PRKG1: variants seen among roughly 807,000 people sequenced by gnomAD.
PRKG1 encodes cGMP-dependent protein kinase 1.
A neutral mutation model predicts 88.1 loss-of-function variants in PRKG1; 35 were observed. The observed-to-expected ratio is 0.40, with a 90% CI of 0.30 to 0.53. The LOEUF (loss-of-function observed/expected upper bound fraction) is 0.53, where lower values mean the gene tolerates loss of function less well. Ranked by LOEUF, PRKG1 falls within the 20% of genes least tolerant of loss-of-function variation. The pLI is 0.59. For missense variants in PRKG1, 540 were observed against 839.8 expected, an observed-to-expected ratio of 0.64 and a Z score of 4.41; for synonymous variants, 303 against 292.5, an observed-to-expected ratio of 1.04 and a Z score of -0.37.
chr10:51,127,675 A>C (rs1437743839), intron 1 of PRKG1, among the ~76,000 whole-genome samples: 3 of 152,228 alleles, frequency 2.0e-5, no homozygotes, highest in Non-Finnish European at 2.9e-5. Context: ...TTATTGCAGC[A>C]CTATTCACAA....
At chr10:51,560,635 T>G (rs1393104073) in intron 3 of PRKG1, among the ~76,000 whole-genome samples, 2 of 152,076 alleles carry the variant, frequency 1.3e-5, no homozygotes, top group African/African-American at 4.8e-5. Flanking sequence ...ATTGATACAT[T>G]TAATTAACTG....
chr10:51,410,248 GTGTGTGTGTGTATATATATATA>G (rs1407391198), intron 2 of PRKG1, among the ~76,000 whole-genome samples: 9 of 74,088 alleles, frequency 1.2e-4, no homozygotes, highest in African/African-American at 3.9e-4. Context: ...ATGTGTGTGT[GTGTGTGTGTGTATATATATATA>G]TGTGTGTGTG....
intron 2 of PRKG1, among the ~76,000 whole-genome samples, chr10:51,358,903 A>G (rs1842420980): frequency 7.2e-6 from 1 of 138,018 alleles, no homozygotes; most frequent in South Asian, 2.6e-4. Context: ...TAAAACCTCC[A>G]TCTTAGTTTT....
At chr10:51,077,412 C>A (rs1034304161) in intron 1 of PRKG1, among the ~76,000 whole-genome samples, 1 of 151,850 alleles carries the variant, frequency 6.6e-6, no homozygotes. Flanking sequence ...TTTTGATTCT[C>A]TTTTTTTTAG....
intron 3 of PRKG1, among the ~76,000 whole-genome samples, chr10:51,585,374 G>T (rs1838147593): frequency 6.6e-6 from 1 of 152,142 alleles, no homozygotes. Context: ...ATTGCAGTAA[G>T]AATATGTTTC....
intron 1 of PRKG1, among the ~76,000 whole-genome samples, chr10:51,092,524 G>T (rs889355077): frequency 2.0e-5 from 3 of 152,148 alleles, no homozygotes; most frequent in Non-Finnish European, 4.4e-5. Context: ...AAGGATCCTG[G>T]CTTGCTAACT....
chr10:51,093,836 G>T (rs573150429), intron 1 of PRKG1, among the ~76,000 whole-genome samples: 192 of 129,192 alleles, frequency 1.5e-3, no homozygotes, highest in Non-Finnish European at 2.0e-3. Flanking sequence ...ACACACACAC[G>T]CCATGCACTC....
chr10:51,407,836 G>A (rs1160387270), intron 2 of PRKG1, among the ~76,000 whole-genome samples: 3 of 152,172 alleles, frequency 2.0e-5, no homozygotes, highest in African/African-American at 2.4e-5. Context: ...CCATTGTGGA[G>A]TAGTAGACTG....
At chr10:51,723,564 A>G (rs1298138726) in intron 3 of PRKG1, among the ~76,000 whole-genome samples, 1 of 152,052 alleles carries the variant, frequency 6.6e-6, no homozygotes, top group Non-Finnish European at 1.5e-5. Context: ...TGGCATGTGT[A>G]TATCTATGTA....
intron 3 of PRKG1, among the ~76,000 whole-genome samples, chr10:51,800,097 G>A (rs185104020): frequency 3.0e-4 from 45 of 152,040 alleles, no homozygotes; most frequent in African/African-American, 8.7e-4. Context: ...AAAAATAGCC[G>A]CTGTTTCTAT....
intron 3 of PRKG1, among the ~76,000 whole-genome samples, chr10:51,545,095 A>C (rs997976856): frequency 6.6e-6 from 1 of 151,816 alleles, no homozygotes; most frequent in Non-Finnish European, 1.5e-5. Flanking sequence ...TTTATTTGCT[A>C]TCTGCCCTTG....
intron 2 of PRKG1, among the ~76,000 whole-genome samples, chr10:51,161,510 T>C (rs1457800846): frequency 6.6e-6 from 1 of 152,184 alleles, no homozygotes. Context: ...TTTATTACAC[T>C]AGGAAGAGGC....
intron 2 of PRKG1, among the ~76,000 whole-genome samples, chr10:51,190,504 G>T (rs1279738954): frequency 6.6e-6 from 1 of 151,862 alleles, no homozygotes; most frequent in Non-Finnish European, 1.5e-5. Flanking sequence ...CATAGGGCCA[G>T]TGAGAGACAT....
intron 17 of PRKG1, 100 bp downstream of exon 17, chr10:52,290,390 G>A: frequency 2.0e-6 from 2 of 994,732 alleles, no homozygotes; most frequent in Non-Finnish European, 2.9e-6. Context: ...CTATGATTAA[G>A]TTAAACAAAC....
At chr10:51,833,103 G>A (rs754111846) in intron 4 of PRKG1, among the ~76,000 whole-genome samples, 3 of 152,202 alleles carry the variant, frequency 2.0e-5, no homozygotes, top group Non-Finnish European at 4.4e-5. Context: ...CATTGAATGC[G>A]GTGTATTAGT....
intron 1 of PRKG1, among the ~76,000 whole-genome samples, chr10:51,114,832 A>C (rs984263948): frequency 2.6e-4 from 39 of 152,316 alleles, no homozygotes; most frequent in African/African-American, 9.1e-4. Context: ...GCCCAAGTAA[A>C]TGGGCAATTA....
intron 9 of PRKG1, among the ~76,000 whole-genome samples, chr10:52,239,521 TAAAAAAAAA>T: frequency 1.8e-5 from 1 of 56,738 alleles, no homozygotes. Flanking sequence ...TTCTACAGTG[TAAAAAAAAA>T]AAAAAAAAAA....
chr10:51,170,469 C>A (rs1554842712), intron 2 of PRKG1, among the ~76,000 whole-genome samples: 17 of 142,594 alleles, frequency 1.2e-4, no homozygotes, highest in Non-Finnish European at 6.2e-5. Context: ...CACACACACA[C>A]AACCAGGAGG....
chr10:52,258,907 TAGGTTGGGATTTAAATGAAC>T (rs1442859145), intron 10 of PRKG1, among the ~76,000 whole-genome samples: 1 of 151,774 alleles, frequency 6.6e-6, no homozygotes, highest in Admixed American at 6.6e-5. Context: ...CAGTGGAGAA[TAGGTTGGGATTTAAATGAAC>T]AGATGGGGAA....
Sources: gnomAD v4.1 joint callset for allele counts (sites outside exome capture counted in the v4.1 genomes callset) on GRCh38, gnomAD v4.1.1 for gene constraint, MANE v1.5 for transcripts, NCBI Gene and HGNC (gene_info 2026-07-23, HGNC 2026-07-21) for gene names.